The following MITF variants were observed in gnomAD, a reference collection of about 807,000 sequenced individuals.
The protein encoded by MITF is melanocyte inducing transcription factor, also known as microphthalmia-associated transcription factor.
A neutral mutation model predicts 60.5 loss-of-function variants in MITF; 17 were observed. That is an observed-to-expected ratio of 0.28 (90% CI 0.19 to 0.42). The LOEUF (loss-of-function observed/expected upper bound fraction) is 0.42. MITF is among the 10% of genes least tolerant of loss of function. MITF has a pLI of 1.00. For synonymous variants in MITF, 260 were observed against 248.5 expected, an observed-to-expected ratio of 1.05 and a Z score of -0.43; for missense variants, 622 against 683.5, an observed-to-expected ratio of 0.91 and a Z score of 1.00.
chr3:69,942,600 A>T (rs1489089336), intron 5 of MITF, among the ~76,000 whole-genome samples: 2 of 151,878 alleles, frequency 1.3e-5, no homozygotes, highest in Admixed American at 6.6e-5. Context: ...ACCCATTTAA[A>T]CCCACCCCCT....
intron 1 of MITF, among the ~76,000 whole-genome samples, chr3:69,756,045 A>G (rs191553975): frequency 6.6e-6 from 1 of 152,304 alleles, no homozygotes; most frequent in Admixed American, 6.5e-5. Flanking sequence ...TGTTGAGTAA[A>G]TAAGCAACAG....
At chr3:69,842,668 A>G (rs963405659) in intron 1 of MITF, among the ~76,000 whole-genome samples, 4 of 152,180 alleles carry the variant, frequency 2.6e-5, no homozygotes, top group African/African-American at 9.7e-5. Flanking sequence ...GCACAAGCAA[A>G]CCAAAATTCT....
chr3:69,841,803 A>C (rs974467429), intron 1 of MITF, among the ~76,000 whole-genome samples: 1 of 152,244 alleles, frequency 6.6e-6, no homozygotes, highest in Non-Finnish European at 1.5e-5. Flanking sequence ...TAAGTAGGTC[A>C]AGTGAAATTG....
chr3:69,762,812 G>T (rs1310729195), intron 1 of MITF: 2 of 224,314 alleles, frequency 8.9e-6, no homozygotes, highest in Non-Finnish European at 1.8e-5. Context: ...GATTCTTGCT[G>T]GGGAATGTGT....
At chr3:69,913,150 A>G (rs2065259735) in intron 2 of MITF, among the ~76,000 whole-genome samples, 1 of 152,086 alleles carries the variant, frequency 6.6e-6, no homozygotes, top group African/African-American at 2.4e-5. Flanking sequence ...ATATAATTAT[A>G]TTTTATTTAA....
At chr3:69,770,024 CT>C (rs2062368594) in intron 1 of MITF, among the ~76,000 whole-genome samples, 1 of 152,134 alleles carries the variant, frequency 6.6e-6, no homozygotes. Flanking sequence ...AAACATACTC[CT>C]TTGCCCTCTC....
chr3:69,827,721 A>G (rs2063378495), intron 1 of MITF, among the ~76,000 whole-genome samples: 1 of 152,028 alleles, frequency 6.6e-6, no homozygotes, highest in Non-Finnish European at 1.5e-5. Context: ...ATAATTCCCA[A>G]TTTATTTTCC....
intron 5 of MITF, 58 bp from the exon 6 acceptor site, chr3:69,948,993 T>G: frequency 7.8e-7 from 1 of 1,276,322 alleles, no homozygotes. Flanking sequence ...AGGTTTTATC[T>G]GAAAAAACAT....
intron 1 of MITF, among the ~76,000 whole-genome samples, chr3:69,743,279 A>T (rs1703599686): frequency 6.6e-6 from 1 of 152,228 alleles, no homozygotes; most frequent in South Asian, 2.1e-4. Flanking sequence ...CTGGCTTAGA[A>T]CAATGCGTGA....
rs142491422 is a variant in MITF, at chr3:69,845,808, A to G, written c.105-33326A>G. On this transcript the variant is annotated intron_variant, in intron 1 of 9. Coordinates refer to ENST00000352241, the MANE Select transcript of MITF (RefSeq NM_001354604.2). ...TGATCCTGCTGTCAAAACATGTTCT[A>G]CTCTTTGGCAGGCACTGAATTGGCT... 7.3e-5 allele frequency among the ~76,000 whole-genome samples: 11 copies of G among 151,580 alleles called. No homozygotes were observed. In the East Asian group the frequency reaches 2.1e-3, roughly 29 times the overall value.
chr3:69,957,343 T>C (rs1419394880), intron 8 of MITF, among the ~76,000 whole-genome samples: 4 of 152,220 alleles, frequency 2.6e-5, no homozygotes, highest in Non-Finnish European at 5.9e-5. Context: ...AGCTACCTAA[T>C]AAAATGTAAA....
intron 1 of MITF, among the ~76,000 whole-genome samples, chr3:69,801,062 T>G (rs2062911517): frequency 6.6e-6 from 1 of 151,862 alleles, no homozygotes; most frequent in Admixed American, 6.6e-5. Context: ...GTAACTTTTT[T>G]TTTTTTTTTT....
At chr3:69,806,899 A>G (rs943465207) in intron 1 of MITF, among the ~76,000 whole-genome samples, 1 of 152,212 alleles carries the variant, frequency 6.6e-6, no homozygotes, top group African/African-American at 2.4e-5. Context: ...GTAATTAAAG[A>G]CAGGAAAAAA....
Position 69,937,779 on chromosome 3 carries a change from A to G in MITF, c.355-43A>G, listed in dbSNP as rs376130004. On this transcript the variant is annotated intron_variant, in intron 2 of 9. Coordinates refer to ENST00000352241, the MANE Select transcript of MITF (RefSeq NM_001354604.2). ...GAAGGAAGAGCCGTCTGAAACTCAC[A>G]AATAACAGCGCTGTTTTCTTTTCCC... The G allele has an allele frequency of 2.6e-6, 4 of 1,559,296 alleles. No homozygotes were observed. The African/African-American group carries it at 5.4e-5, about 21-fold the overall frequency.
At chr3:69,912,375 A>G (rs996711001) in intron 2 of MITF, among the ~76,000 whole-genome samples, 6 of 152,174 alleles carry the variant, frequency 3.9e-5, no homozygotes, top group African/African-American at 1.2e-4. Flanking sequence ...GAGACAGAAC[A>G]ATGACTATTC....
intron 2 of MITF, among the ~76,000 whole-genome samples, chr3:69,882,259 C>T (rs910983664): frequency 1.3e-5 from 2 of 152,100 alleles, no homozygotes; most frequent in African/African-American, 4.8e-5. Context: ...AACGTATAGT[C>T]ATTGTGCCGT....
intron 1 of MITF, among the ~76,000 whole-genome samples, chr3:69,792,037 A>T (rs2106917003): frequency 6.6e-6 from 1 of 152,320 alleles, no homozygotes; most frequent in South Asian, 2.1e-4. Context: ...GGATGTGCTG[A>T]ATCCTCATCT....
chr3:69,830,484 C>T (rs530385207), intron 1 of MITF, among the ~76,000 whole-genome samples: 1 of 152,314 alleles, frequency 6.6e-6, no homozygotes, highest in South Asian at 2.1e-4. Flanking sequence ...GCCCCCAAAT[C>T]CTGGCCCTTT....
rs1297400425 is a variant in MITF at position 69,913,877 on chromosome 3, G to T, written c.355-23945G>T. Reference sequence around the variant, plus strand: ...GCTTTCAGAAATGCAGTCTAGATTTGATATAGTGCTTTTTATTAACTGTGA... The same window carrying T: ...GCTTTCAGAAATGCAGTCTAGATTTTATATAGTGCTTTTTATTAACTGTGA... On this transcript the variant is annotated intron_variant, in intron 2 of 9. Transcript: ENST00000352241. Among the ~76,000 whole-genome samples the T allele has an allele frequency of 3.9e-5, 6 of 152,296 alleles. No individual in the cohort carries two copies. The South Asian group carries it at 1.0e-3, about 26-fold the overall frequency.
Sources: allele counts gnomAD v4.1 joint callset (sites outside exome capture counted in the v4.1 genomes callset), GRCh38; gene constraint gnomAD v4.1.1; transcripts MANE v1.5; gene names NCBI Gene and HGNC (gene_info 2026-07-23, HGNC 2026-07-21).